Variants in BABAM2 observed in about 807,000 individuals in gnomAD.
BABAM2 encodes the protein BRISC and BRCA1-A complex member 2.
BABAM2 carries 31 observed loss-of-function variants against 54.7 expected under a neutral mutation model. The observed-to-expected ratio is 0.57, with a 90% CI of 0.43 to 0.77. The LOEUF (loss-of-function observed/expected upper bound fraction) is 0.77, where lower values mean the gene tolerates loss of function less well. BABAM2 is among the 30% of genes least tolerant of loss of function. BABAM2 has a pLI of 0.00. For synonymous variants in BABAM2, 167 were observed against 162.9 expected, an observed-to-expected ratio of 1.03 and a Z score of -0.19; for missense variants, 364 against 455.8, an observed-to-expected ratio of 0.80 and a Z score of 1.83.
At chr2:28,335,539 T>A (rs920080714) in intron 11 of BABAM2, among the ~76,000 whole-genome samples, 2 of 152,200 alleles carry the variant, frequency 1.3e-5, no homozygotes, top group African/African-American at 4.8e-5. Context: ...TGGTCATCAT[T>A]AGTTACATTA....
intron 11 of BABAM2, chr2:28,309,942 C>G: frequency 1.2e-6 from 1 of 831,634 alleles, no homozygotes; most frequent in Non-Finnish European, 1.9e-6. Flanking sequence ...CTCACCCGTC[C>G]CTCCTGGGCC....
At chr2:28,019,341 A>AT (rs35338642) in intron 4 of BABAM2, among the ~76,000 whole-genome samples, 143,363 of 150,482 alleles carry the variant, frequency 0.95, 68,334 homozygotes, top group Admixed American at 0.97. Flanking sequence ...TCTTAATGAG[A>AT]TTTTTTTTTT....
intron 10 of BABAM2, among the ~76,000 whole-genome samples, chr2:28,249,241 A>G (rs1051004824): frequency 6.6e-6 from 1 of 151,978 alleles, no homozygotes; most frequent in Non-Finnish European, 1.5e-5. Context: ...GGCATGTGCC[A>G]CCATGCCCGG....
intron 7 of BABAM2, among the ~76,000 whole-genome samples, chr2:28,232,017 G>A (rs1681457198): frequency 6.6e-6 from 1 of 151,790 alleles, no homozygotes; most frequent in East Asian, 1.9e-4. Context: ...TGTTGCCCAG[G>A]CTGGTCTCAA....
At chr2:28,191,123 A>C (rs183717129) in intron 7 of BABAM2, among the ~76,000 whole-genome samples, 1 of 152,224 alleles carries the variant, frequency 6.6e-6, no homozygotes, top group Non-Finnish European at 1.5e-5. Context: ...ATAAGAAGAC[A>C]AACAGCTTAA....
chr2:28,274,142 G>T (rs1685674831), intron 10 of BABAM2, among the ~76,000 whole-genome samples: 1 of 152,110 alleles, frequency 6.6e-6, no homozygotes, highest in Non-Finnish European at 1.5e-5. Context: ...GCCTTCCCCA[G>T]TAGACAGGCT....
chr2:27,967,164 G>A (rs1670893939), intron 3 of BABAM2, among the ~76,000 whole-genome samples: 1 of 152,134 alleles, frequency 6.6e-6, no homozygotes, highest in Non-Finnish European at 1.5e-5. Flanking sequence ...ATACTTCACT[G>A]GAAGATGATA....
chr2:27,891,456 T>TA (rs1664836405), intron 1 of BABAM2, among the ~76,000 whole-genome samples: 1 of 152,250 alleles, frequency 6.6e-6, no homozygotes, highest in South Asian at 2.1e-4. Flanking sequence ...GCAAAAATTG[T>TA]AATTTTGCAT....
At chr2:28,027,063 C>T (rs1003560084) in intron 5 of BABAM2, among the ~76,000 whole-genome samples, 8 of 144,698 alleles carry the variant, frequency 5.5e-5, no homozygotes, top group Non-Finnish European at 8.9e-5. Flanking sequence ...CCCATCACCA[C>T]CATCTTCCAT....
chr2:28,219,451 A>G (rs984078494), intron 7 of BABAM2, among the ~76,000 whole-genome samples: 2 of 152,196 alleles, frequency 1.3e-5, no homozygotes, highest in South Asian at 2.1e-4. Context: ...TGAGAGCCCA[A>G]CCAGATAATT....
At chr2:28,327,115 T>A (rs1690532452) in intron 11 of BABAM2, among the ~76,000 whole-genome samples, 1 of 152,158 alleles carries the variant, frequency 6.6e-6, no homozygotes, top group African/African-American at 2.4e-5. Context: ...GAATGGTTGG[T>A]ATGTGTAGAT....
In BABAM2 at chr2:27,921,567, T is replaced by C. The variant is rs190124395; in HGVS notation, c.129-8265T>C. On this transcript the variant is annotated intron_variant, in intron 2 of 11. Coordinates refer to ENST00000379624, the MANE Select transcript of BABAM2 (RefSeq NM_199191.3). ...ACATCCTGGGTTTGGATCCCAGCTC[T>C]GTCACTCACTAGCAAGTTACATAAG... is the stretch of plus-strand genomic sequence containing the variant. 1.6e-3 allele frequency among the ~76,000 whole-genome samples: 251 copies of C among 152,330 alleles called. 3 individuals carry two copies. Among genetic ancestry groups the C allele is most frequent in the Non-Finnish European group, 4.4e-4 (30 of 68,028 alleles).
chr2:27,925,405 C>T (rs1667615781), intron 2 of BABAM2, among the ~76,000 whole-genome samples: 1 of 152,126 alleles, frequency 6.6e-6, no homozygotes, highest in Non-Finnish European at 1.5e-5. Flanking sequence ...TTACCCTAGT[C>T]CAAGGATCCA....
At chr2:27,965,636 A>G (rs890225964) in intron 3 of BABAM2, among the ~76,000 whole-genome samples, 2 of 152,134 alleles carry the variant, frequency 1.3e-5, no homozygotes, top group South Asian at 2.1e-4. Context: ...TCATTATTCA[A>G]TTTTTTTGGT....
chr2:28,059,958 T>C (rs1484042546), intron 6 of BABAM2, among the ~76,000 whole-genome samples: 6 of 152,146 alleles, frequency 3.9e-5, no homozygotes, highest in African/African-American at 7.2e-5. Flanking sequence ...AGAAAATCTT[T>C]GGGAAAATTG....
chr2:27,934,142 G>A (rs899059905), intron 3 of BABAM2, among the ~76,000 whole-genome samples: 2 of 151,926 alleles, frequency 1.3e-5, no homozygotes, highest in Non-Finnish European at 2.9e-5. Context: ...TTTCCCCAAA[G>A]CGTGTGCTTA....
At chr2:27,987,462 A>G (rs1303955839) in intron 3 of BABAM2, among the ~76,000 whole-genome samples, 1 of 152,174 alleles carries the variant, frequency 6.6e-6, no homozygotes, top group African/African-American at 2.4e-5. Flanking sequence ...GGATATTTAC[A>G]TTCACAGTGT....
At chr2:28,334,128 C>T (rs1216543047) in intron 11 of BABAM2, among the ~76,000 whole-genome samples, 6 of 152,234 alleles carry the variant, frequency 3.9e-5, no homozygotes, top group African/African-American at 1.4e-4. Context: ...CCCTTGGCAG[C>T]ACGCAGTTGG....
At chr2:28,095,671 G>A (rs191328830) in intron 6 of BABAM2, among the ~76,000 whole-genome samples, 1 of 152,248 alleles carries the variant, frequency 6.6e-6, no homozygotes, top group East Asian at 1.9e-4. Context: ...GGGGTATTTA[G>A]GGTTCTTATG....
Sources: gnomAD v4.1 joint callset for allele counts (sites outside exome capture counted in the v4.1 genomes callset) on GRCh38, gnomAD v4.1.1 for gene constraint, MANE v1.5 for transcripts, NCBI Gene and HGNC (gene_info 2026-07-23, HGNC 2026-07-21) for gene names.